Variants in ABI1 observed in about 807,000 individuals in gnomAD.
ABI1 encodes the protein abl interactor 1, also known as Abelson interactor 1.
In ABI1, 14 loss-of-function variants were observed where a neutral mutation model predicts 54.6. That is an observed-to-expected ratio of 0.26 (90% confidence interval 0.17 to 0.40). The LOEUF (loss-of-function observed/expected upper bound fraction) is 0.40. Ranked by LOEUF, ABI1 falls within the 10% of genes least tolerant of loss-of-function variation. ABI1 has a pLI of 1.00. For missense variants in ABI1, 443 were observed against 598.3 expected (o/e 0.74, Z 2.71); for synonymous variants, 194 against 209.3 (o/e 0.93, Z 0.63).
Position 26,747,106 on chromosome 10 carries a change from G to C in ABI1, c.*1464C>G, listed in dbSNP as rs539934906. 1 of 227,980 alleles carries C rather than the reference G, an allele frequency of 4.4e-6. No homozygotes were observed. Among genetic ancestry groups the C allele is most frequent in the African/African-American group, 2.2e-5 (1 of 44,682 alleles). 14.1% of individuals were successfully genotyped at this position (227,980 alleles called of 1,614,324 possible). A position where few individuals can be genotyped will look rare whatever the true frequency, so the allele number is the denominator to read the frequency against. On this transcript the variant is annotated 3_prime_UTR_variant, in exon 11 of 11. Transcript: ENST00000376140. ...TAGCAATAATGGTCTTTAATTTTCA[G>C]AAATAACTGTTTTGCACTAGTCTTA... is the stretch of plus-strand genomic sequence containing the variant.
chr10:26,818,297 A>C (rs141920807), intron 2 of ABI1, among the ~76,000 whole-genome samples: 72 of 151,888 alleles, frequency 4.7e-4, no homozygotes, highest in African/African-American at 1.7e-3. Flanking sequence ...CTCATATTAA[A>C]TCTCATTCAA....
At chr10:26,823,027 G>C (rs1213511738) in intron 2 of ABI1, 111 bp downstream of exon 2, 9 of 964,212 alleles carry the variant, frequency 9.3e-6, no homozygotes. Flanking sequence ...CAGTGTTAAT[G>C]ATTATCACCA....
intron 1 of ABI1, among the ~76,000 whole-genome samples, chr10:26,828,914 A>G: frequency 6.6e-6 from 1 of 152,214 alleles, no homozygotes; most frequent in East Asian, 1.9e-4. Flanking sequence ...AGAATCCTTT[A>G]GTTCTAGATT....
intron 1 of ABI1, among the ~76,000 whole-genome samples, chr10:26,859,524 A>G (rs1453730120): frequency 1.3e-5 from 2 of 152,204 alleles, no homozygotes; most frequent in East Asian, 3.8e-4. Context: ...TGGTGCCTTT[A>G]TATTTATACA....
chr10:26,816,178 G>A (rs2047551537), intron 2 of ABI1, among the ~76,000 whole-genome samples: 1 of 152,148 alleles, frequency 6.6e-6, no homozygotes, highest in Non-Finnish European at 1.5e-5. Context: ...ACAAAACTGG[G>A]TATCAAAGAG....
intron 1 of ABI1, among the ~76,000 whole-genome samples, chr10:26,841,361 TG>T (rs2049485626): frequency 6.6e-6 from 1 of 151,772 alleles, no homozygotes; most frequent in African/African-American, 2.4e-5. Context: ...GTTACTGCAG[TG>T]AAGCAAATTA....
At position 26,765,326 on chromosome 10, in the gene ABI1, G is replaced by GAAA. The variant is rs749204483; in HGVS notation, c.720-11_720-9dup. 8 of 1,232,232 alleles carry GAAA rather than the reference G, an allele frequency of 6.5e-6. No individual in the cohort carries two copies. Among genetic ancestry groups the GAAA allele is most frequent in the Admixed American group, 2.8e-5 (1 of 35,746 alleles). 76.3% of individuals were successfully genotyped at this position (1,232,232 alleles called of 1,614,324 possible). A position where few individuals can be genotyped will look rare whatever the true frequency, so the allele number is the denominator to read the frequency against. On this transcript the variant is annotated splice_polypyrimidine_tract_variant and intron_variant, in intron 6 of 10. Coordinates refer to ENST00000376140, the MANE Select transcript of ABI1 (RefSeq NM_001012750.3). ...CTTCCTCCACTACTTCCACTGAAAA[G>GAAA]AAAAAAAAAAACTGTGAAAAACCAA...
chr10:26,788,309 T>A (rs1842955467), intron 2 of ABI1, among the ~76,000 whole-genome samples: 1 of 152,220 alleles, frequency 6.6e-6, no homozygotes, highest in African/African-American at 2.4e-5. Flanking sequence ...CAGGTATGTC[T>A]TTATCAGCAA....
At chr10:26,848,200 C>CAAA (rs149066426) in intron 1 of ABI1, among the ~76,000 whole-genome samples, 522 of 76,766 alleles carry the variant, frequency 6.8e-3, no homozygotes, top group Non-Finnish European at 9.1e-3. Flanking sequence ...GACCCTGTCT[C>CAAA]AAAAAAAAAA....
At chr10:26,835,083 T>C (rs1165390909) in intron 1 of ABI1, among the ~76,000 whole-genome samples, 3 of 86,778 alleles carry the variant, frequency 3.5e-5, no homozygotes, top group Middle Eastern at 0.011. Flanking sequence ...AGCAAGATTC[T>C]ACCTCAAAAA....
intron 1 of ABI1, among the ~76,000 whole-genome samples, chr10:26,848,476 A>G (rs527312668): frequency 1.2e-4 from 19 of 152,318 alleles, no homozygotes; most frequent in East Asian, 1.2e-3. Flanking sequence ...TGAAGATAAC[A>G]GATTTATGAA....
At chr10:26,802,787 A>C (rs534381086) in intron 2 of ABI1, among the ~76,000 whole-genome samples, 136 of 152,302 alleles carry the variant, frequency 8.9e-4, no homozygotes, top group African/African-American at 2.8e-3. Context: ...AACCCAAGGT[A>C]ACCTCACAGC....
In ABI1 at chr10:26,860,946, C is replaced by A; in HGVS notation, c.-83G>T. On this transcript the variant is annotated 5_prime_UTR_variant, in exon 1 of 11. Coordinates refer to ENST00000376140, the MANE Select transcript of ABI1 (RefSeq NM_001012750.3). This position sits in a 1 kb window ranked among gnomAD's most constrained non-coding sequence, Gnocchi z 4.1. Reference sequence around the variant, plus strand: ...GCCGAGGCTCCGAGCACCTCACAGCCCGGATACAAACCGCCTACCCGCCCT... The same window carrying A: ...GCCGAGGCTCCGAGCACCTCACAGCACGGATACAAACCGCCTACCCGCCCT... The A allele has an allele frequency of 7.7e-7, 1 of 1,295,372 alleles. No homozygotes were observed. Among genetic ancestry groups the A allele is most frequent in the Non-Finnish European group, 1.1e-6 (1 of 898,802 alleles). 80.2% of individuals were successfully genotyped at this position (1,295,372 alleles called of 1,614,324 possible). A position where few individuals can be genotyped will look rare whatever the true frequency, so the allele number is the denominator to read the frequency against.
chr10:26,799,819 GA>G (rs1257427509), intron 2 of ABI1, among the ~76,000 whole-genome samples: 1 of 151,816 alleles, frequency 6.6e-6, no homozygotes, highest in Non-Finnish European at 1.5e-5. Context: ...CCAATTAATT[GA>G]AAAAAATTCC....
chr10:26,800,675 G>A (rs1049001961), intron 2 of ABI1, among the ~76,000 whole-genome samples: 5 of 152,140 alleles, frequency 3.3e-5, no homozygotes, highest in African/African-American at 1.2e-4. Flanking sequence ...AGGATGCAAC[G>A]AGCCATGACA....
At chr10:26,855,967 T>C (rs1250134637) in intron 1 of ABI1, among the ~76,000 whole-genome samples, 4 of 74,972 alleles carry the variant, frequency 5.3e-5, no homozygotes, top group Admixed American at 1.7e-4. Flanking sequence ...CAAGACTCCA[T>C]CTCAAAAAAA....
At chr10:26,761,661 T>TATATATACACACACAC (rs1375832167) in intron 7 of ABI1, among the ~76,000 whole-genome samples, 8 of 78,930 alleles carry the variant, frequency 1.0e-4, no homozygotes, top group Admixed American at 3.0e-4. Context: ...TATATATATA[T>TATATATACACACACAC]ACACACACAC....
At chr10:26,752,467 T>C (rs902799810) in intron 9 of ABI1, among the ~76,000 whole-genome samples, 2 of 152,160 alleles carry the variant, frequency 1.3e-5, no homozygotes, top group South Asian at 4.1e-4. Flanking sequence ...TTTTTTAATG[T>C]AGAAAGCAAG....
At chr10:26,846,716 C>T (rs1488050220) in intron 1 of ABI1, among the ~76,000 whole-genome samples, 1 of 152,146 alleles carries the variant, frequency 6.6e-6, no homozygotes, top group Admixed American at 6.6e-5. Context: ...CTGGTACCTA[C>T]CTACCTCTTC....
Sources: gnomAD v4.1 joint callset for allele counts (sites outside exome capture counted in the v4.1 genomes callset) on GRCh38, gnomAD v4.1.1 for gene constraint, Gnocchi (gnomAD v3.1) non-coding constraint, MANE v1.5 for transcripts, NCBI Gene and HGNC (gene_info 2026-07-23, HGNC 2026-07-21) for gene names.